SGCD: variants seen among roughly 807,000 people sequenced by gnomAD.
The protein encoded by SGCD is sarcoglycan delta, also known as delta-sarcoglycan.
A neutral mutation model predicts 36.6 loss-of-function variants in SGCD; 18 were observed. The ratio of observed to expected loss-of-function variants is 0.49; its 90% CI spans 0.34 to 0.73. The LOEUF (loss-of-function observed/expected upper bound fraction) is 0.73. Ranked by LOEUF, SGCD falls within the 30% of genes least tolerant of loss-of-function variation. SGCD has a pLI of 0.01. For synonymous variants in SGCD, 133 were observed against 130.6 expected, an observed-to-expected ratio of 1.02 and a Z score of -0.12; for missense variants, 387 against 346.7, an observed-to-expected ratio of 1.12 and a Z score of -0.92.
At chr5:156,433,225 T>C (rs75645975) in intron 3 of SGCD, among the ~76,000 whole-genome samples, 140 of 152,338 alleles carry the variant, frequency 9.2e-4, no homozygotes, top group African/African-American at 3.3e-3. Flanking sequence ...TCTCTCTCTG[T>C]TCTCGCTGTC....
intron 3 of SGCD, among the ~76,000 whole-genome samples, chr5:156,421,824 T>C (rs983085302): frequency 3.3e-5 from 5 of 152,214 alleles, no homozygotes; most frequent in African/African-American, 9.6e-5. Context: ...TATGCTCTGG[T>C]TTAGGGATAA....
chr5:156,560,750 C>T (rs913201015), intron 4 of SGCD, among the ~76,000 whole-genome samples: 10 of 152,128 alleles, frequency 6.6e-5, no homozygotes, highest in Non-Finnish European at 1.3e-4. Context: ...AAAATGGTTA[C>T]GAACAGTGGC....
At chr5:155,979,439 A>C (rs2127561734) in intron 1 of SGCD, among the ~76,000 whole-genome samples, 1 of 152,326 alleles carries the variant, frequency 6.6e-6, no homozygotes, top group South Asian at 2.1e-4. Context: ...TTTCCCAGGA[A>C]GTGGGCTCTG....
intron 4 of SGCD, among the ~76,000 whole-genome samples, chr5:156,555,152 G>T (rs992596626): frequency 6.6e-5 from 10 of 152,060 alleles, no homozygotes; most frequent in Non-Finnish European, 1.5e-4. Flanking sequence ...TACATAGTTT[G>T]CAGAGTTTAT....
rs1262938441 is a variant in SGCD at position 156,765,185 on chromosome 5, G to A, written c.*5795G>A. Reference sequence around the variant, plus strand: ...TCTAATAGTCCCTCACTTTCCAATGGCTTCACATCCTACTTCTACATTTGG... The same window carrying A: ...TCTAATAGTCCCTCACTTTCCAATGACTTCACATCCTACTTCTACATTTGG... On this transcript the variant is annotated 3_prime_UTR_variant, in exon 9 of 9. Transcript: ENST00000337851. 1 of 152,118 alleles carries A rather than the reference G, an allele frequency of 6.6e-6. No individual in the cohort carries two copies. The highest frequency in any genetic ancestry group is 1.5e-5 in the Non-Finnish European group (1 of 68,026). 9.4% of individuals were successfully genotyped at this position (152,118 alleles called of 1,614,324 possible).
intron 3 of SGCD, among the ~76,000 whole-genome samples, chr5:156,453,663 A>C (rs1331523514): frequency 1.3e-5 from 2 of 152,182 alleles, no homozygotes; most frequent in African/African-American, 2.4e-5. Flanking sequence ...GCTGCTAAAT[A>C]TACAATACAC....
intron 1 of SGCD, among the ~76,000 whole-genome samples, chr5:155,985,502 A>G (rs1478046432): frequency 6.6e-6 from 1 of 152,164 alleles, no homozygotes; most frequent in Non-Finnish European, 1.5e-5. Flanking sequence ...AGGATACTCC[A>G]TGATAATCTC....
chr5:155,944,181 T>C (rs1305163413), intron 1 of SGCD, among the ~76,000 whole-genome samples: 1 of 152,210 alleles, frequency 6.6e-6, no homozygotes. Context: ...GTGCACTAGC[T>C]CTGTGAGTTG....
chr5:156,301,829 A>T (rs936215690), intron 3 of SGCD, among the ~76,000 whole-genome samples: 2 of 150,322 alleles, frequency 1.3e-5, no homozygotes, highest in African/African-American at 2.5e-5. Context: ...TACATATGTC[A>T]TGTCACTCTT....
At chr5:156,650,536 C>T (rs1272960880) in intron 7 of SGCD, among the ~76,000 whole-genome samples, 4 of 152,044 alleles carry the variant, frequency 2.6e-5, no homozygotes, top group Admixed American at 2.6e-4. Context: ...TTCCCATCTT[C>T]ATATTCATGT....
the SGCD span, among the ~76,000 whole-genome samples, chr5:155,825,976 C>T: frequency 6.6e-6 from 1 of 152,208 alleles, no homozygotes. Flanking sequence ...TCTCGAACTC[C>T]TGACATCAAG....
intron 1 of SGCD, among the ~76,000 whole-genome samples, chr5:155,960,758 A>G (rs1267616796): frequency 6.6e-6 from 1 of 152,086 alleles, no homozygotes; most frequent in Non-Finnish European, 1.5e-5. Context: ...TGCATATCTC[A>G]ATGAGTTCAC....
chr5:156,387,446 C>T (rs1469467572), intron 3 of SGCD, among the ~76,000 whole-genome samples: 1 of 152,140 alleles, frequency 6.6e-6, no homozygotes, highest in Non-Finnish European at 1.5e-5. Flanking sequence ...AATTGCTATA[C>T]AAATATGTCA....
chr5:156,740,185 G>A (rs1756597714), intron 7 of SGCD, among the ~76,000 whole-genome samples: 1 of 152,114 alleles, frequency 6.6e-6, no homozygotes, highest in South Asian at 2.1e-4. Context: ...TCTTAAAGTT[G>A]CCTGGCATTA....
chr5:156,519,449 G>T (rs187905681), intron 4 of SGCD, among the ~76,000 whole-genome samples: 105 of 152,260 alleles, frequency 6.9e-4, no homozygotes, highest in African/African-American at 2.5e-3. Context: ...ACAAAGAGAA[G>T]CTGGTACCAT....
chr5:156,723,021 A>T (rs1465624707), intron 7 of SGCD, among the ~76,000 whole-genome samples: 1 of 152,224 alleles, frequency 6.6e-6, no homozygotes, highest in Admixed American at 6.5e-5. Flanking sequence ...CATTTAAAAA[A>T]CGAATATGCC....
chr5:155,865,017 C>A, the SGCD span, among the ~76,000 whole-genome samples: 1 of 151,854 alleles, frequency 6.6e-6, no homozygotes, highest in Admixed American at 6.6e-5. Context: ...GTTTCAGGAA[C>A]CCTTTAGACT....
intron 3 of SGCD, among the ~76,000 whole-genome samples, chr5:156,444,089 TC>T (rs1561699207): frequency 1.5e-4 from 17 of 115,438 alleles, no homozygotes; most frequent in African/African-American, 5.9e-4. Context: ...TCTCTCTCTC[TC>T]TCTCTCTCTC....
At chr5:156,104,976 A>T (rs1209841167) in intron 1 of SGCD, among the ~76,000 whole-genome samples, 1 of 152,146 alleles carries the variant, frequency 6.6e-6, no homozygotes. Context: ...GAAGGGGAAC[A>T]TCACACACTG....
Sources: allele counts gnomAD v4.1 joint callset (sites outside exome capture counted in the v4.1 genomes callset), GRCh38; gene constraint gnomAD v4.1.1; transcripts MANE v1.5; gene names NCBI Gene and HGNC (gene_info 2026-07-23, HGNC 2026-07-21).